Variants in SLC5A10 observed in about 807,000 individuals in gnomAD.
SLC5A10 encodes the protein sodium/mannose cotransporter SLC5A10.
In SLC5A10, 55 loss-of-function variants were observed where a neutral mutation model predicts 68.9. That is an observed-to-expected ratio of 0.80 (90% confidence interval 0.64 to 1.00). The LOEUF (loss-of-function observed/expected upper bound fraction) is 1.00, where lower values mean the gene tolerates loss of function less well. SLC5A10 is among the 50% of genes least tolerant of loss of function. The pLI is 0.00. For missense variants in SLC5A10, 732 were observed against 819.3 expected (o/e 0.89, Z 1.30); for synonymous variants, 344 against 344.8 (o/e 1.00, Z 0.02).
chr17:19,003,447 T>C lies in SLC5A10; in HGVS notation c.983-9963T>C. The C allele has an allele frequency of 1.4e-6, 2 of 1,430,442 alleles. No individual in the cohort carries two copies. The highest frequency in any genetic ancestry group is 9.2e-7 in the Non-Finnish European group (1 of 1,086,412). The allele number at this position is 1,430,442 out of a possible 1,614,324, so 88.6% of individuals were successfully genotyped here. A position where few individuals can be genotyped will look rare whatever the true frequency, so the allele number is the denominator to read the frequency against. ...CATGTTGGGCTCCCGTTTTGGGCTC[T>C]GAGTGAGCCTGTATTGAGAGGGGTC... On this transcript the variant is annotated intron_variant, in intron 9 of 14. Coordinates refer to ENST00000395645, the MANE Select transcript of SLC5A10 (RefSeq NM_001042450.4). The surrounding 1 kb of genome is among the most constrained non-coding windows in gnomAD (Gnocchi z 4.5).
At chr17:18,990,082 G>A (rs1020053685) in intron 9 of SLC5A10, among the ~76,000 whole-genome samples, 1 of 152,190 alleles carries the variant, frequency 6.6e-6, no homozygotes, top group Non-Finnish European at 1.5e-5. Context: ...TGGGGCAGAG[G>A]GAGTAGCTGG....
At chr17:18,966,339 G>T (rs1326742150) in intron 5 of SLC5A10, among the ~76,000 whole-genome samples, 1 of 152,170 alleles carries the variant, frequency 6.6e-6, no homozygotes, top group Non-Finnish European at 1.5e-5. Flanking sequence ...TGTGCCCTGG[G>T]AGTGGCCCTT....
At chr17:18,972,264 A>G (rs576526508) in intron 8 of SLC5A10, among the ~76,000 whole-genome samples, 1 of 152,308 alleles carries the variant, frequency 6.6e-6, no homozygotes, top group African/African-American at 2.4e-5. Context: ...CAGTGGGCAC[A>G]GGCCCCACAA....
At chr17:18,958,618 C>T (rs2042550113) in intron 1 of SLC5A10, 64 bp from the exon 2 acceptor site, 3 of 1,482,196 alleles carry the variant, frequency 2.0e-6, no homozygotes, top group Non-Finnish European at 2.8e-6. Flanking sequence ...CAAGCCGTTT[C>T]CCATTCGACT....
Position 18,971,378 on chromosome 17 carries a change from C to CG in SLC5A10, c.846+166dup, listed in dbSNP as rs759298716. Reference sequence around the variant, plus strand: ...ATGCTGCTAGGGGTCTTTGCGGTCCCGGGGGGCTTGAGCCCTCCGTTTAGA... The same window carrying CG: ...ATGCTGCTAGGGGTCTTTGCGGTCCCGGGGGGGCTTGAGCCCTCCGTTTAGA... On this transcript the variant is annotated intron_variant, in intron 8 of 14. Transcript: ENST00000395645. This position sits in a 1 kb window ranked among gnomAD's most constrained non-coding sequence, Gnocchi z 5.5. 3 of 1,600,134 alleles carry CG rather than the reference C, an allele frequency of 1.9e-6. No homozygotes were observed. The highest frequency in any genetic ancestry group is 1.4e-5 in the African/African-American group (1 of 70,582).
intron 9 of SLC5A10, among the ~76,000 whole-genome samples, chr17:19,002,425 C>T (rs1015357525): frequency 1.6e-4 from 24 of 152,222 alleles, no homozygotes; most frequent in African/African-American, 3.4e-4. Context: ...TCTCTGCCCA[C>T]GAACTTCCCC....
intron 9 of SLC5A10, among the ~76,000 whole-genome samples, chr17:18,999,005 C>T (rs750317448): frequency 2.0e-5 from 3 of 152,216 alleles, no homozygotes; most frequent in Non-Finnish European, 4.4e-5. Context: ...TACTGCCAGG[C>T]ACGGTGGCTC....
rs1399864449 is a variant in SLC5A10, at chr17:19,019,862, CTT to C, written c.1562_1563del (p.Phe521CysfsTer23). The C allele has an allele frequency of 1.2e-6, 2 of 1,613,198 alleles. No individual in the cohort carries two copies. The highest frequency in any genetic ancestry group is 1.1e-5 in the South Asian group (1 of 90,984). On this transcript the variant is annotated frameshift_variant, in exon 13 of 15. Coordinates refer to ENST00000395645, the MANE Select transcript of SLC5A10 (RefSeq NM_001042450.4). LOFTEE classifies it high-confidence loss of function. ...ACTACCTGCACTTCGCTGTCGCCCT[CTT>C]TGCACTCAGTGGTGCTGTTGTGGTG... is the stretch of plus-strand genomic sequence containing the variant. Reference protein sequence around the residue: ...IHYLHFAVALFALSGAVVVAG... With the variant: ...IHYLHFAVALXALSGAVVVAG...
At chr17:18,959,689 C>A in intron 4 of SLC5A10, 26 bp downstream of exon 4, 1 of 1,612,056 alleles carries the variant, frequency 6.2e-7, no homozygotes, top group South Asian at 1.1e-5. Flanking sequence ...GGGCCTCCAG[C>A]TGGGGGGCTG....
At chr17:18,979,550 T>C in intron 9 of SLC5A10, 1 of 1,613,148 alleles carries the variant, frequency 6.2e-7, no homozygotes, top group Non-Finnish European at 8.5e-7. Flanking sequence ...GAGAGTCACC[T>C]GTAGGAGCCG....
At position 18,971,849 on chromosome 17, in the gene SLC5A10, C is replaced by T. The variant is rs1292059730; in HGVS notation, c.846+631C>T. The T allele has an allele frequency of 1.4e-5, 19 of 1,322,398 alleles. No individual in the cohort carries two copies. Among genetic ancestry groups the T allele is most frequent in the Non-Finnish European group, 1.8e-5 (18 of 982,316 alleles). 81.9% of individuals were successfully genotyped at this position (1,322,398 alleles called of 1,614,324 possible). A position where few individuals can be genotyped will look rare whatever the true frequency, so the allele number is the denominator to read the frequency against. On this transcript the variant is annotated intron_variant, in intron 8 of 14. Transcript: ENST00000395645. This position sits in a 1 kb window ranked among gnomAD's most constrained non-coding sequence, Gnocchi z 5.5. Reference sequence around the variant, plus strand: ...ACACAGGAGCCGGCAGGCCCGGGTTCGCCTCCTGGCTCTGCCATTCACCAG... The same window carrying T: ...ACACAGGAGCCGGCAGGCCCGGGTTTGCCTCCTGGCTCTGCCATTCACCAG...
intron 9 of SLC5A10, among the ~76,000 whole-genome samples, chr17:18,992,967 T>C (rs2043466524): frequency 6.6e-6 from 1 of 152,186 alleles, no homozygotes; most frequent in Non-Finnish European, 1.5e-5. Context: ...TTTCCTAGCC[T>C]TCCTGTGACC....
chr17:18,974,621 C>A (rs972285138), intron 8 of SLC5A10, among the ~76,000 whole-genome samples: 3 of 152,206 alleles, frequency 2.0e-5, no homozygotes, highest in Non-Finnish European at 4.4e-5. Context: ...TCGTGGGCAG[C>A]GTGCTGACTC....
At chr17:18,977,461 G>T in intron 9 of SLC5A10, 1 of 1,000,892 alleles carries the variant, frequency 1.0e-6, no homozygotes, top group Non-Finnish European at 1.5e-6. Flanking sequence ...TTCCCCATCT[G>T]TAACAAGGGA....
chr17:18,982,118 A>G (rs2152014463), intron 9 of SLC5A10, among the ~76,000 whole-genome samples: 1 of 152,362 alleles, frequency 6.6e-6, no homozygotes, highest in Middle Eastern at 3.4e-3. Context: ...AGAGTGACTC[A>G]GCCTCCGTGT....
In SLC5A10 at chr17:19,017,498, G is replaced by C; in HGVS notation, c.1242-1925G>C. On this transcript the variant is annotated intron_variant, in intron 11 of 14. Coordinates refer to ENST00000395645, the MANE Select transcript of SLC5A10 (RefSeq NM_001042450.4). The surrounding 1 kb of genome is among the most constrained non-coding windows in gnomAD (Gnocchi z 5.6). ...TGGAGAGGAGGCCATCGCAGGGCCG[G>C]GTGCAGTACCATGCCGGTGACCCTG... The C allele has an allele frequency of 9.3e-7, 1 of 1,069,862 alleles. No homozygotes were observed. Among genetic ancestry groups the C allele is most frequent in the East Asian group, 2.6e-5 (1 of 38,286 alleles). 66.3% of individuals were successfully genotyped at this position (1,069,862 alleles called of 1,614,324 possible).
intron 9 of SLC5A10, chr17:18,988,493 C>T: frequency 6.4e-7 from 1 of 1,574,470 alleles, no homozygotes; most frequent in Non-Finnish European, 8.7e-7. Context: ...GCGCACAGCC[C>T]TCCCATGCCA....
chr17:18,997,226 C>T (rs560661519), intron 9 of SLC5A10, among the ~76,000 whole-genome samples: 1 of 152,380 alleles, frequency 6.6e-6, no homozygotes, highest in African/African-American at 2.4e-5. Context: ...GGCATGAAGG[C>T]ACTACCCTGA....
intron 5 of SLC5A10, among the ~76,000 whole-genome samples, chr17:18,963,658 C>T (rs774802666): frequency 1.3e-5 from 2 of 152,258 alleles, no homozygotes; most frequent in African/African-American, 2.4e-5. Context: ...GCATCCAGCA[C>T]CCGTCCCAGC....
Sources: allele counts gnomAD v4.1 joint callset (sites outside exome capture counted in the v4.1 genomes callset), GRCh38; gene constraint gnomAD v4.1.1; non-coding constraint Gnocchi (gnomAD v3.1); transcripts MANE v1.5; gene names NCBI Gene and HGNC (gene_info 2026-07-23, HGNC 2026-07-21).